Variants in PTPRK observed in about 807,000 individuals in gnomAD.
PTPRK encodes the protein protein tyrosine phosphatase receptor type K.
PTPRK carries 75 observed loss-of-function variants against 178.0 expected under a neutral mutation model. That is an observed-to-expected ratio of 0.42 (90% CI 0.35 to 0.51). The LOEUF (loss-of-function observed/expected upper bound fraction) is 0.51. Among genes scored for constraint, PTPRK ranks in the 20% least tolerant of loss-of-function variants. PTPRK has a pLI of 0.02. For synonymous variants in PTPRK, 637 were observed against 620.6 expected, an observed-to-expected ratio of 1.03 and a Z score of -0.39; for missense variants, 1,441 against 1,797.8, an observed-to-expected ratio of 0.80 and a Z score of 3.59.
At chr6:128,492,083 C>T (rs1425261071) in intron 1 of PTPRK, among the ~76,000 whole-genome samples, 2 of 152,150 alleles carry the variant, frequency 1.3e-5, no homozygotes, top group Non-Finnish European at 2.9e-5. Flanking sequence ...CCTTGCATAA[C>T]ACCCAAGGGT....
intron 13 of PTPRK, among the ~76,000 whole-genome samples, chr6:128,037,790 TA>T (rs1248973144): frequency 1.3e-5 from 2 of 151,884 alleles, no homozygotes; most frequent in South Asian, 4.2e-4. Flanking sequence ...CTTCTAAAAC[TA>T]AAAAAAAGGA....
chr6:128,115,097 C>A (rs1791279973), intron 7 of PTPRK, among the ~76,000 whole-genome samples: 1 of 152,090 alleles, frequency 6.6e-6, no homozygotes, highest in Non-Finnish European at 1.5e-5. Context: ...CATCCCAGGA[C>A]ATATATCAAG....
At chr6:128,263,128 G>A (rs970324521) in intron 3 of PTPRK, among the ~76,000 whole-genome samples, 8 of 152,110 alleles carry the variant, frequency 5.3e-5, no homozygotes, top group African/African-American at 1.2e-4. Context: ...AAGGAAGACT[G>A]TAGAAGAATC....
intron 3 of PTPRK, among the ~76,000 whole-genome samples, chr6:128,275,487 G>T (rs949405465): frequency 1.3e-5 from 2 of 151,938 alleles, no homozygotes; most frequent in Non-Finnish European, 2.9e-5. Flanking sequence ...TTCATTTGGG[G>T]TCTATTTGGC....
chr6:128,242,404 G>T, intron 4 of PTPRK, 117 bp downstream of exon 4: 1 of 1,337,196 alleles, frequency 7.5e-7, no homozygotes. Context: ...AGAAGGCTAG[G>T]ACTAACAATA....
chr6:128,444,277 T>C (rs1846656930), intron 1 of PTPRK, among the ~76,000 whole-genome samples: 1 of 152,172 alleles, frequency 6.6e-6, no homozygotes, highest in Non-Finnish European at 1.5e-5. Context: ...CCCTCCAACC[T>C]ATTATACATC....
chr6:128,148,819 T>C (rs1562675785), intron 7 of PTPRK, among the ~76,000 whole-genome samples: 1 of 152,118 alleles, frequency 6.6e-6, no homozygotes, highest in African/African-American at 2.4e-5. Context: ...TATGTCCAGC[T>C]ACAATGATTT....
intron 2 of PTPRK, among the ~76,000 whole-genome samples, chr6:128,381,895 T>C (rs1305706960): frequency 6.6e-6 from 1 of 152,036 alleles, no homozygotes; most frequent in African/African-American, 2.4e-5. Context: ...TTAACAGAAA[T>C]TAATTTCAGG....
intron 6 of PTPRK, among the ~76,000 whole-genome samples, chr6:128,200,894 AGGGAG>A (rs1805808147): frequency 2.8e-5 from 1 of 35,222 alleles, no homozygotes; most frequent in African/African-American, 1.9e-4. Flanking sequence ...GGAGGGAAGG[AGGGAG>A]GGAGGGAGGG....
In PTPRK at chr6:128,033,530, A is replaced by G. The variant is rs913149127; in HGVS notation, c.2195-24262T>C. Reference sequence around the variant, plus strand: ...TACTGATACATGGATTTGAAAGTCAAAGGAAATGGTGGCTTTACATTTAAT... The same window carrying G: ...TACTGATACATGGATTTGAAAGTCAGAGGAAATGGTGGCTTTACATTTAAT... On this transcript the variant is annotated intron_variant, in intron 13 of 29. Transcript: ENST00000368226. Among the ~76,000 whole-genome samples the G allele has an allele frequency of 3.3e-5, 5 of 152,176 alleles. No individual in the cohort carries two copies. In the South Asian group the frequency reaches 1.0e-3, roughly 31 times the overall value.
chr6:128,517,183 G>T (rs762185736), intron 1 of PTPRK, among the ~76,000 whole-genome samples: 15 of 151,864 alleles, frequency 9.9e-5, no homozygotes, highest in Non-Finnish European at 1.8e-4. Flanking sequence ...CTGAGACTAA[G>T]GCACTTAATG....
intron 27 of PTPRK, among the ~76,000 whole-genome samples, chr6:127,975,560 G>C (rs1341506762): frequency 6.6e-6 from 1 of 152,120 alleles, no homozygotes; most frequent in East Asian, 1.9e-4. Flanking sequence ...CAGAGCTGGT[G>C]CTTTAAAAAA....
chr6:128,298,391 C>G (rs376231779), intron 3 of PTPRK, among the ~76,000 whole-genome samples: 1 of 151,244 alleles, frequency 6.6e-6, no homozygotes. Flanking sequence ...AGGCCAGCAT[C>G]ATCCTGATAC....
At chr6:128,108,103 C>CACAT (rs1790034384) in intron 7 of PTPRK, among the ~76,000 whole-genome samples, 2 of 151,686 alleles carry the variant, frequency 1.3e-5, no homozygotes, top group South Asian at 4.2e-4. Context: ...CACACACACA[C>CACAT]ACACACACAC....
At chr6:128,302,042 A>C (rs1204663902) in intron 3 of PTPRK, among the ~76,000 whole-genome samples, 1 of 152,208 alleles carries the variant, frequency 6.6e-6, no homozygotes, top group Non-Finnish European at 1.5e-5. Context: ...ACAAATAAAG[A>C]AACAAAAAAG....
chr6:128,134,280 C>A (rs1296898030), intron 7 of PTPRK, among the ~76,000 whole-genome samples: 1 of 152,078 alleles, frequency 6.6e-6, no homozygotes, highest in Admixed American at 6.5e-5. Flanking sequence ...TGTCTCAGAG[C>A]CCGTATTTTT....
chr6:127,976,847 A>G, intron 26 of PTPRK, 65 bp from the exon 27 acceptor site: 1 of 1,610,414 alleles, frequency 6.2e-7, no homozygotes, highest in South Asian at 1.1e-5. Flanking sequence ...AGGAGAGTAT[A>G]AAGCAGATTT....
intron 7 of PTPRK, among the ~76,000 whole-genome samples, chr6:128,120,708 TC>T (rs1330162310): frequency 2.0e-5 from 3 of 151,956 alleles, no homozygotes; most frequent in African/African-American, 7.2e-5. Flanking sequence ...TTGGAGAATA[TC>T]TTAGACAAAG....
intron 6 of PTPRK, among the ~76,000 whole-genome samples, chr6:128,218,288 G>C (rs533172612): frequency 1.3e-5 from 2 of 152,212 alleles, no homozygotes; most frequent in South Asian, 4.1e-4. Flanking sequence ...ATATAAGAGG[G>C]ACTCTATACA....
Sources: allele counts gnomAD v4.1 joint callset (sites outside exome capture counted in the v4.1 genomes callset), GRCh38; gene constraint gnomAD v4.1.1; transcripts MANE v1.5; gene names NCBI Gene and HGNC (gene_info 2026-07-23, HGNC 2026-07-21).